Variants in PITPNM3 observed in about 807,000 individuals in gnomAD.
PITPNM3 encodes PITPNM family member 3.
A neutral mutation model predicts 102.0 loss-of-function variants in PITPNM3; 26 were observed. That is an observed-to-expected ratio of 0.25 (90% CI 0.19 to 0.35). The LOEUF is 0.35. PITPNM3 is among the 10% of genes least tolerant of loss of function. The pLI is 1.00. For missense variants in PITPNM3, 1,083 were observed against 1,346.1 expected, an observed-to-expected ratio of 0.80 and a Z score of 3.06; for synonymous variants, 578 against 558.6, an observed-to-expected ratio of 1.03 and a Z score of -0.49.
At position 6,468,265 on chromosome 17, in the gene PITPNM3, C is replaced by CG; in HGVS notation, c.1849dup (p.Arg617ProfsTer7). Reference sequence around the variant, plus strand: ...AGTCCGCTTACGAAGCCACTTCTCCCGGGGGTTGGCAGGACTCAGTGCTGC... The same window carrying CG: ...AGTCCGCTTACGAAGCCACTTCTCCCGGGGGGTTGGCAGGACTCAGTGCTGC... On this transcript the variant is annotated frameshift_variant, in exon 14 of 20. Coordinates refer to ENST00000262483, the MANE Select transcript of PITPNM3 (RefSeq NM_031220.4). LOFTEE classifies it high-confidence loss of function. The surrounding 1 kb of genome is among the most constrained non-coding windows in gnomAD (Gnocchi z 5.2). 6.2e-7 allele frequency: 1 copy of CG among 1,613,840 alleles called. No individual in the cohort carries two copies. Among genetic ancestry groups the CG allele is most frequent in the South Asian group, 1.1e-5 (1 of 91,068 alleles).
intron 14 of PITPNM3, among the ~76,000 whole-genome samples, chr17:6,466,092 T>C (rs1904752223): frequency 6.6e-6 from 1 of 152,154 alleles, no homozygotes; most frequent in African/African-American, 2.4e-5. Flanking sequence ...CTGCTCCCCA[T>C]CCACACCTTC....
chr17:6,461,966 C>G (rs1237913704), intron 17 of PITPNM3, among the ~76,000 whole-genome samples: 2 of 152,056 alleles, frequency 1.3e-5, no homozygotes, highest in Admixed American at 6.6e-5. Flanking sequence ...ATCCTTAGCT[C>G]GGGCCCCATC....
At chr17:6,530,816 G>A (rs902482886) in intron 2 of PITPNM3, among the ~76,000 whole-genome samples, 8 of 152,192 alleles carry the variant, frequency 5.3e-5, no homozygotes, top group Non-Finnish European at 7.3e-5. Flanking sequence ...GAGGGGGTTG[G>A]GAAACCGAAA....
chr17:6,539,235 T>C (rs1290463544), intron 1 of PITPNM3, among the ~76,000 whole-genome samples: 1 of 152,168 alleles, frequency 6.6e-6, no homozygotes, highest in Non-Finnish European at 1.5e-5. Flanking sequence ...TGAGCTGACG[T>C]TCCACCCTCG....
chr17:6,520,835 A>G (rs1237695872), intron 3 of PITPNM3, among the ~76,000 whole-genome samples: 1 of 152,258 alleles, frequency 6.6e-6, no homozygotes, highest in African/African-American at 2.4e-5. Flanking sequence ...TTCATGTTGC[A>G]AGATGAACGA....
At chr17:6,518,635 A>G (rs971898777) in intron 3 of PITPNM3, among the ~76,000 whole-genome samples, 1 of 152,234 alleles carries the variant, frequency 6.6e-6, no homozygotes, top group African/African-American at 2.4e-5. Context: ...ACAAAAACTA[A>G]GTAGAGAAAA....
chr17:6,509,947 C>T (rs1391033807), intron 3 of PITPNM3, among the ~76,000 whole-genome samples: 1 of 152,144 alleles, frequency 6.6e-6, no homozygotes, highest in Non-Finnish European at 1.5e-5. Context: ...TGCCTCTTTT[C>T]CAAGACCTCC....
Position 6,451,886 on chromosome 17 carries a change from G to GCC in PITPNM3, c.*3450_*3451dup, listed in dbSNP as rs70956759. On this transcript the variant is annotated 3_prime_UTR_variant, in exon 20 of 20. Coordinates refer to ENST00000262483, the MANE Select transcript of PITPNM3 (RefSeq NM_031220.4). ...CTTGGCACCCAAACCCCCCCCCCCC[G>GCC]CCCGCCGATGGGATTCGGTGGGAAA... 1.3e-5 allele frequency: 1 copy of GCC among 76,918 alleles called. No individual in the cohort carries two copies. 4.8% of individuals were successfully genotyped at this position (76,918 alleles called of 1,614,324 possible).
At chr17:6,548,542 A>G (rs1350168783) in intron 1 of PITPNM3, among the ~76,000 whole-genome samples, 1 of 152,154 alleles carries the variant, frequency 6.6e-6, no homozygotes, top group Admixed American at 6.5e-5. Flanking sequence ...CATCAGGGCC[A>G]AAAGGAGTTC....
chr17:6,488,090 C>A (rs1421932277), intron 4 of PITPNM3, among the ~76,000 whole-genome samples: 1 of 151,972 alleles, frequency 6.6e-6, no homozygotes, highest in Non-Finnish European at 1.5e-5. Context: ...CAGAAAGGCA[C>A]ACCTCCCGTC....
intron 3 of PITPNM3, among the ~76,000 whole-genome samples, chr17:6,512,340 G>T (rs113505099): frequency 1.4e-5 from 2 of 144,728 alleles, no homozygotes; most frequent in Non-Finnish European, 2.9e-5. Flanking sequence ...AAACTGGCAT[G>T]TGCACAAATA....
chr17:6,539,315 T>C (rs1909616287), intron 1 of PITPNM3, among the ~76,000 whole-genome samples: 1 of 152,122 alleles, frequency 6.6e-6, no homozygotes, highest in South Asian at 2.1e-4. Flanking sequence ...CTAACACAGA[T>C]ATGGGACGAT....
rs1913938835 is a variant in PITPNM3, at chr17:6,453,130, TC to T, written c.*2207del. ...CTCTCTCTCTTTCTCTCTCCCTCTC[TC>T]TCTCTCTCTCTCCCTCTCTCTCTTT... is the stretch of plus-strand genomic sequence containing the variant. On this transcript the variant is annotated 3_prime_UTR_variant, in exon 20 of 20. Transcript: ENST00000262483. The T allele has an allele frequency of 7.1e-6, 1 of 140,062 alleles. No homozygotes were observed. Among genetic ancestry groups the T allele is most frequent in the African/African-American group, 3.3e-5 (1 of 30,472 alleles). 8.7% of individuals were successfully genotyped at this position (140,062 alleles called of 1,614,324 possible).
intron 4 of PITPNM3, among the ~76,000 whole-genome samples, chr17:6,497,414 C>T (rs1487654437): frequency 2.0e-5 from 3 of 152,152 alleles, no homozygotes; most frequent in Non-Finnish European, 4.4e-5. Flanking sequence ...AGCCGAGGAC[C>T]CAAGCTCAGT....
rs539845012 is a variant in PITPNM3, at chr17:6,540,956, GC to G, written c.23-2875del. Among the ~76,000 whole-genome samples the G allele has an allele frequency of 1.0e-3, 157 of 152,340 alleles. 1 individual carries two copies. Among genetic ancestry groups the G allele is most frequent in the African/African-American group, 3.6e-3 (151 of 41,586 alleles). Reference sequence around the variant, plus strand: ...TTACAGGCGTGAGCCACTGCATCTGGCCCCGCCTTGGTTTTTAAATGTATAC... The same window carrying G: ...TTACAGGCGTGAGCCACTGCATCTGGCCCGCCTTGGTTTTTAAATGTATAC... On this transcript the variant is annotated intron_variant, in intron 1 of 19. Transcript: ENST00000262483.
Position 6,457,541 on chromosome 17 carries a change from C to A in PITPNM3, c.2619+53G>T. 6.2e-7 allele frequency: 1 copy of A among 1,611,526 alleles called. No homozygotes were observed. The highest frequency in any genetic ancestry group is 8.5e-7 in the Non-Finnish European group (1 of 1,178,824). On this transcript the variant is annotated intron_variant, in intron 19 of 19. Transcript: ENST00000262483. The surrounding 1 kb of genome is among the most constrained non-coding windows in gnomAD (Gnocchi z 4.7). ...GAATGAAGTGCTTACTCCCTCTATC[C>A]CTTTCCCTGACCTCCCTCACAACTC...
chr17:6,483,999 G>A (rs1221277751), intron 5 of PITPNM3, among the ~76,000 whole-genome samples: 1 of 152,170 alleles, frequency 6.6e-6, no homozygotes, highest in African/African-American at 2.4e-5. Context: ...GGAAGGACAT[G>A]GGCTGCCAGG....
At chr17:6,486,178 C>G (rs1009355964) in intron 4 of PITPNM3, among the ~76,000 whole-genome samples, 5 of 152,208 alleles carry the variant, frequency 3.3e-5, no homozygotes, top group African/African-American at 1.2e-4. Flanking sequence ...TCTCCTTCCT[C>G]CCCCATGAGA....
chr17:6,452,999 CCTTTCTCTCTCT>C lies in PITPNM3; in HGVS notation c.*2327_*2338del. 1.6e-5 allele frequency: 1 copy of C among 63,290 alleles called. No homozygotes were observed. Among genetic ancestry groups the C allele is most frequent in the South Asian group, 6.1e-4 (1 of 1,632 alleles). 3.9% of individuals were successfully genotyped at this position (63,290 alleles called of 1,614,324 possible). On this transcript the variant is annotated 3_prime_UTR_variant, in exon 20 of 20. Coordinates refer to ENST00000262483, the MANE Select transcript of PITPNM3 (RefSeq NM_031220.4). ...CTTCCTCTCTCTCTCTCTCTGTCTT[CCTTTCTCTCTCT>C]CTCTCTCTCTCTGCCTTCCTGTCTT...
Sources: gnomAD v4.1 joint callset for allele counts (sites outside exome capture counted in the v4.1 genomes callset) on GRCh38, gnomAD v4.1.1 for gene constraint, Gnocchi (gnomAD v3.1) non-coding constraint, MANE v1.5 for transcripts, NCBI Gene and HGNC (gene_info 2026-07-23, HGNC 2026-07-21) for gene names.